RAB3GAP1: variants seen among roughly 807,000 people sequenced by gnomAD.
RAB3GAP1 encodes the protein rab3 GTPase-activating protein catalytic subunit.
Under a neutral mutation model 130.7 loss-of-function variants are expected in RAB3GAP1, and 86 were observed. The ratio of observed to expected loss-of-function variants is 0.66; its 90% CI spans 0.55 to 0.79. The LOEUF (loss-of-function observed/expected upper bound fraction) is 0.79. RAB3GAP1 is among the 30% of genes least tolerant of loss of function. The pLI, the probability that RAB3GAP1 is intolerant of heterozygous loss-of-function variation, is 0.00. For missense variants in RAB3GAP1, 1,029 were observed against 1,169.4 expected (o/e 0.88, Z 1.75); for synonymous variants, 367 against 401.7 (o/e 0.91, Z 1.03).
chr2:135,163,186 A>G lies in RAB3GAP1; in HGVS notation c.2606+85A>G. 3.4e-6 allele frequency: 3 copies of G among 888,424 alleles called. No homozygotes were observed. The South Asian group carries it at 4.0e-5, about 12-fold the overall frequency. The allele number at this position is 888,424 out of a possible 1,614,324, so 55.0% of individuals were successfully genotyped here. On this transcript the variant is annotated intron_variant, in intron 22 of 23. Transcript: ENST00000264158. ...AGAAAAATTGTAATAGGATATTAAG[A>G]CTCTTTTGTGGTAATCATATATTAT...
chr2:135,064,830 A>T (rs1312340486), intron 3 of RAB3GAP1, among the ~76,000 whole-genome samples: 1 of 151,142 alleles, frequency 6.6e-6, no homozygotes, highest in East Asian at 1.9e-4. Flanking sequence ...TAGAGACGAA[A>T]TGTAGTCTAC....
intron 7 of RAB3GAP1, among the ~76,000 whole-genome samples, chr2:135,117,684 G>GCTTCTTCTGCTT (rs1691054680): frequency 4.4e-5 from 1 of 22,714 alleles, no homozygotes; most frequent in African/African-American, 1.6e-4. Context: ...TTCTGCTTCT[G>GCTTCTTCTGCTT]CTTCTTCTTC....
chr2:135,068,440 T>TTAAGAAAA (rs1689382296), intron 3 of RAB3GAP1, among the ~76,000 whole-genome samples: 2 of 151,524 alleles, frequency 1.3e-5, no homozygotes, highest in Admixed American at 1.3e-4. Context: ...GGAAGTAGAC[T>TTAAGAAAA]ATAAAAATTT....
intron 3 of RAB3GAP1, among the ~76,000 whole-genome samples, chr2:135,083,433 T>C (rs1037346148): frequency 2.0e-5 from 3 of 152,188 alleles, no homozygotes; most frequent in Non-Finnish European, 4.4e-5. Flanking sequence ...ACCAGCCATG[T>C]ATAAGACTCC....
intron 23 of RAB3GAP1, chr2:135,167,737 C>T: frequency 2.1e-6 from 3 of 1,462,380 alleles, no homozygotes; most frequent in Non-Finnish European, 2.8e-6. Context: ...CTTTGCCCCT[C>T]ATAGTTCCTT....
intron 17 of RAB3GAP1, among the ~76,000 whole-genome samples, chr2:135,137,979 C>A (rs552881279): frequency 2.0e-5 from 3 of 152,062 alleles, no homozygotes; most frequent in Non-Finnish European, 2.9e-5. Context: ...GTGCATGCCA[C>A]CATGCCTGGC....
intron 5 of RAB3GAP1, among the ~76,000 whole-genome samples, chr2:135,098,235 G>A (rs180970587): frequency 1.5e-4 from 23 of 152,106 alleles, no homozygotes; most frequent in Middle Eastern, 3.4e-3. Context: ...TTTTCTTACT[G>A]TAAAGTTTTG....
downstream of RAB3GAP1, among the ~76,000 whole-genome samples, chr2:135,170,917 C>T (rs1468013954): frequency 6.6e-6 from 1 of 152,040 alleles, no homozygotes; most frequent in Non-Finnish European, 1.5e-5. Context: ...TATTTCTCCA[C>T]CTCTTCAATC....
chr2:135,062,561 A>T (rs1025667594), intron 3 of RAB3GAP1, among the ~76,000 whole-genome samples: 2 of 152,236 alleles, frequency 1.3e-5, no homozygotes, highest in Non-Finnish European at 2.9e-5. Flanking sequence ...TAATTACTAT[A>T]AAAAGGAGTA....
At chr2:135,098,307 C>G (rs2104886905) in intron 5 of RAB3GAP1, among the ~76,000 whole-genome samples, 1 of 151,786 alleles carries the variant, frequency 6.6e-6, no homozygotes, top group South Asian at 2.1e-4. Context: ...CAAAAATTTT[C>G]TAGAAAAGAC....
intron 11 of RAB3GAP1, among the ~76,000 whole-genome samples, chr2:135,129,477 A>G (rs1034797958): frequency 6.6e-6 from 1 of 151,658 alleles, no homozygotes; most frequent in Non-Finnish European, 1.5e-5. Context: ...AAATAAATAA[A>G]AAATAATAGT....
chr2:135,109,590 T>A (rs1475278407), intron 5 of RAB3GAP1, among the ~76,000 whole-genome samples: 1 of 151,802 alleles, frequency 6.6e-6, no homozygotes, highest in African/African-American at 2.4e-5. Context: ...TTTTTTTTAA[T>A]TTTTTATTAA....
chr2:135,115,381 T>A lies in RAB3GAP1; in HGVS notation c.648T>A (p.Ile216=). ...TGCTGGATATCTTCAAATCAAAGAT[T>A]GTGAGTTGGGATTGATATTGTCAGT... ...SGLLDIFKSK[I]GCPLTPLPPV... is the part of the protein sequence containing the mutation. Residue 216 remains isoleucine (I), a splice_region_variant and synonymous_variant, in exon 7 of 24, where the codon ATT becomes ATA. Coordinates refer to ENST00000264158, the MANE Select transcript of RAB3GAP1 (RefSeq NM_012233.3). 3.1e-6 allele frequency: 5 copies of A among 1,608,790 alleles called. No individual in the cohort carries two copies. The highest frequency in any genetic ancestry group is 4.3e-6 in the Non-Finnish European group (5 of 1,175,516).
chr2:135,099,166 G>A (rs1040661639), intron 5 of RAB3GAP1, among the ~76,000 whole-genome samples: 2 of 151,732 alleles, frequency 1.3e-5, no homozygotes, highest in African/African-American at 4.8e-5. Flanking sequence ...GTTAGCTGTA[G>A]GTTTTTTCGT....
chr2:135,100,748 T>G (rs1690426546), intron 5 of RAB3GAP1, among the ~76,000 whole-genome samples: 1 of 152,226 alleles, frequency 6.6e-6, no homozygotes, highest in African/African-American at 2.4e-5. Context: ...ATATCAAGAA[T>G]AAAACATGGT....
chr2:135,073,489 C>T lies in RAB3GAP1; in HGVS notation c.150+15403C>T, dbSNP rs537152715. Among the ~76,000 whole-genome samples, 8 of 152,290 alleles carry T rather than the reference C, an allele frequency of 5.3e-5. No individual in the cohort carries two copies. In the East Asian group the frequency reaches 1.4e-3, roughly 26 times the overall value. On this transcript the variant is annotated intron_variant, in intron 3 of 23. Coordinates refer to ENST00000264158, the MANE Select transcript of RAB3GAP1 (RefSeq NM_012233.3). ...GGGCCCTTTGGCCTTTAGGCAGTCCCATTTTTAATGGCTGAGCATGTGACA... is the reference window on the plus strand; with the variant it reads ...GGGCCCTTTGGCCTTTAGGCAGTCCTATTTTTAATGGCTGAGCATGTGACA...
chr2:135,161,575 C>T (rs1445019608), intron 19 of RAB3GAP1, among the ~76,000 whole-genome samples: 1 of 152,060 alleles, frequency 6.6e-6, no homozygotes, highest in Admixed American at 6.6e-5. Flanking sequence ...CTTGGAAAAG[C>T]CTGGTAACAT....
chr2:135,099,533 TG>T (rs1280224480), intron 5 of RAB3GAP1, among the ~76,000 whole-genome samples: 2 of 152,012 alleles, frequency 1.3e-5, no homozygotes, highest in Non-Finnish European at 2.9e-5. Context: ...TATGTTCATG[TG>T]GGATGTTGGT....
intron 19 of RAB3GAP1, among the ~76,000 whole-genome samples, chr2:135,158,541 TA>T (rs1692379910): frequency 6.6e-6 from 1 of 152,094 alleles, no homozygotes. Flanking sequence ...GATAAACAAC[TA>T]GGGGAAAGGG....
Sources: gnomAD v4.1 joint callset for allele counts (sites outside exome capture counted in the v4.1 genomes callset) on GRCh38, gnomAD v4.1.1 for gene constraint, MANE v1.5 for transcripts, NCBI Gene and HGNC (gene_info 2026-07-23, HGNC 2026-07-21) for gene names.